Variants in SMG5 observed in about 807,000 individuals in gnomAD.
SMG5 encodes the protein SMG5 nonsense mediated mRNA decay factor.
SMG5 carries 53 observed loss-of-function variants against 122.9 expected under a neutral mutation model. The ratio of observed to expected loss-of-function variants is 0.43; its 90% confidence interval spans 0.35 to 0.54. The LOEUF (loss-of-function observed/expected upper bound fraction) is 0.54, where lower values mean the gene tolerates loss of function less well. Among genes scored for constraint, SMG5 ranks in the 20% least tolerant of loss-of-function variants. SMG5 has a pLI of 0.01. For synonymous variants in SMG5, 477 were observed against 490.2 expected, an observed-to-expected ratio of 0.97 and a Z score of 0.35; for missense variants, 1,153 against 1,285.6, an observed-to-expected ratio of 0.90 and a Z score of 1.58.
intron 17 of SMG5, 39 bp from the exon 18 acceptor site, chr1:156,253,117 C>A (rs760430050): frequency 5.2e-6 from 8 of 1,535,682 alleles, no homozygotes; most frequent in Admixed American, 4.1e-5. Flanking sequence ...CTGTGGGGGA[C>A]CCCTGCAGCC....
intron 1 of SMG5, among the ~76,000 whole-genome samples, chr1:156,281,404 A>T (rs763530197): frequency 7.2e-5 from 11 of 152,232 alleles, no homozygotes; most frequent in Non-Finnish European, 1.6e-4. Context: ...ACTCGGCAGC[A>T]TGATAAGGCA....
intron 13 of SMG5, among the ~76,000 whole-genome samples, chr1:156,262,424 C>T (rs943660087): frequency 2.1e-5 from 3 of 140,678 alleles, no homozygotes; most frequent in Admixed American, 8.0e-5. Context: ...TGCAGTGAGC[C>T]GAAATCGTGC....
chr1:156,263,921 A>G (rs1661985644), intron 12 of SMG5, among the ~76,000 whole-genome samples: 1 of 152,196 alleles, frequency 6.6e-6, no homozygotes, highest in African/African-American at 2.4e-5. Flanking sequence ...GGCAGGGCAG[A>G]CAGTTAGAGG....
chr1:156,261,483 C>A, intron 13 of SMG5, 75 bp from the exon 14 acceptor site: 1 of 1,229,062 alleles, frequency 8.1e-7, no homozygotes, highest in Admixed American at 1.8e-5. Context: ...AGGAAAGCAC[C>A]ACCCTGAGGG....
chr1:156,288,197 CAAA>C, the SMG5 span, among the ~76,000 whole-genome samples: 4 of 56,906 alleles, frequency 7.0e-5, no homozygotes, highest in Admixed American at 1.9e-4. Flanking sequence ...GACTCCGTCT[CAAA>C]AAAAAAAAAA....
chr1:156,251,048 G>A (rs1661325123), intron 20 of SMG5, 52 bp from the exon 21 acceptor site: 4 of 1,593,654 alleles, frequency 2.5e-6, no homozygotes, highest in Non-Finnish European at 3.4e-6. Context: ...CATTAGCACA[G>A]CCCAAACACC....
chr1:156,267,513 C>T lies in SMG5; in HGVS notation c.1074G>A (p.Met358Ile), dbSNP rs765886555. The T allele has an allele frequency of 1.2e-6, 2 of 1,614,124 alleles. No homozygotes were observed. The highest frequency in any genetic ancestry group is 2.2e-5 in the East Asian group (1 of 44,882). The change falls in exon 10 of 22, where the codon ATG (methionine) becomes ATA (isoleucine). Residue 358 changes from methionine (M) to isoleucine (I), a missense_variant. Transcript: ENST00000361813. ...AFLPDLLIFQMVIICLMCVHS... is the reference protein window; with the variant it reads ...AFLPDLLIFQIVIICLMCVHS... ...GCACACACATAAGGCAGATGATGACCATTTGAAAGATGAGAAGGTCCGGGA... is the reference window on the plus strand; with the variant it reads ...GCACACACATAAGGCAGATGATGACTATTTGAAAGATGAGAAGGTCCGGGA...
chr1:156,274,828 C>T (rs1275010601), intron 4 of SMG5, 142 bp from the exon 5 acceptor site: 12 of 655,436 alleles, frequency 1.8e-5, no homozygotes, highest in Non-Finnish European at 3.0e-5. Flanking sequence ...ACACACTCAT[C>T]CAGGACACAG....
rs1466301447 is a variant in SMG5, at chr1:156,251,346, T to A, written c.2828+57A>T. 3 of 1,585,188 alleles carry A rather than the reference T, an allele frequency of 1.9e-6. No individual in the cohort carries two copies. The African/African-American group carries it at 4.0e-5, about 21-fold the overall frequency. On this transcript the variant is annotated intron_variant, in intron 20 of 21. Coordinates refer to ENST00000361813, the MANE Select transcript of SMG5 (RefSeq NM_015327.3). ...CCCTACCCGTTCTCCCTAGGAATGCTCGTGGAGGAGCAAGGCAGGTGGCCT... is the reference window on the plus strand; with the variant it reads ...CCCTACCCGTTCTCCCTAGGAATGCACGTGGAGGAGCAAGGCAGGTGGCCT...
In SMG5 at chr1:156,282,771, G is replaced by GCCGCCGCCA. The variant is rs1572604620; in HGVS notation, c.-100_-92dup. On this transcript the variant is annotated 5_prime_UTR_variant, in exon 1 of 22. Transcript: ENST00000361813. ...GCCGTCTCCGGCCGTAGCCGCAGCC[G>GCCGCCGCCA]CCGCCGCCACCGGCCCTGCTCGGCC... The GCCGCCGCCA allele has an allele frequency of 2.2e-6, 3 of 1,377,310 alleles. No homozygotes were observed. In the East Asian group the frequency reaches 7.8e-5, roughly 36 times the overall value. 85.3% of individuals were successfully genotyped at this position (1,377,310 alleles called of 1,614,324 possible). A position where few individuals can be genotyped will look rare whatever the true frequency, so the allele number is the denominator to read the frequency against.
At chr1:156,290,470 G>C in the SMG5 span, 30 of 151,574 alleles carry the variant, frequency 2.0e-4, no homozygotes, top group African/African-American at 7.3e-4. Flanking sequence ...TGGGAGGACT[G>C]CCTGAGCTCA....
chr1:156,250,741 T>C, intron 21 of SMG5, 71 bp from the exon 22 acceptor site: 1 of 1,603,090 alleles, frequency 6.2e-7, no homozygotes, highest in Non-Finnish European at 8.5e-7. Context: ...GTTGAGGCGC[T>C]GGGGAAGGAG....
At position 156,259,005 on chromosome 1, in the gene SMG5, C is replaced by T; in HGVS notation, c.2442G>A (p.Met814Ile). Reference sequence around the variant, plus strand: ...ACGGGGAGGGGAAGGCCTGACTCACCATTCGGAACTGTGCCTGGGCCTGCT... The same window carrying T: ...ACGGGGAGGGGAAGGCCTGACTCACTATTCGGAACTGTGCCTGGGCCTGCT... ...LLQQAQAQFR[M>I]AQEEARRNRL... The change falls in exon 16 of 22, where the codon ATG becomes ATA. Residue 814 changes from methionine (M) to isoleucine (I), a missense_variant and splice_region_variant. By Grantham distance (10) the Met-to-Ile change is conservative. Transcript: ENST00000361813. 6.2e-7 allele frequency: 1 copy of T among 1,613,680 alleles called. No individual in the cohort carries two copies. Among genetic ancestry groups the T allele is most frequent in the Non-Finnish European group, 8.5e-7 (1 of 1,179,834 alleles).
At chr1:156,275,131 T>TAAAAAAAAAAAAAAAA (rs760480249) in intron 4 of SMG5, among the ~76,000 whole-genome samples, 1 of 86,892 alleles carries the variant, frequency 1.2e-5, no homozygotes, top group Non-Finnish European at 2.2e-5. Context: ...TGACGCCAAT[T>TAAAAAAAAAAAAAAAA]AAAAAAAAAA....
intron 17 of SMG5, 119 bp from the exon 18 acceptor site, chr1:156,253,197 C>T (rs1661430839): frequency 1.7e-6 from 2 of 1,155,406 alleles, no homozygotes; most frequent in East Asian, 5.1e-5. Context: ...GATCAGAGGA[C>T]CCTCTCTACC....
At chr1:156,251,206 G>A in intron 20 of SMG5, 197 bp downstream of exon 20, 1 of 897,882 alleles carries the variant, frequency 1.1e-6, no homozygotes. Flanking sequence ...GCCCAAAGAG[G>A]CTGACCCATC....
intron 5 of SMG5, 35 bp from the exon 6 acceptor site, chr1:156,273,485 A>G: frequency 1.2e-5 from 19 of 1,596,836 alleles, no homozygotes; most frequent in Non-Finnish European, 1.6e-5. Flanking sequence ...AAACTCGATG[A>G]TTTTAAGTTT....
chr1:156,252,263 G>T, intron 19 of SMG5, 151 bp downstream of exon 19: 1 of 649,588 alleles, frequency 1.5e-6, no homozygotes, highest in South Asian at 1.9e-5. Flanking sequence ...ATTATCTCTG[G>T]TATCACTCCC....
At chr1:156,252,541 C>T (rs1380818967) in intron 18 of SMG5, 37 bp from the exon 19 acceptor site, 2 of 1,601,580 alleles carry the variant, frequency 1.2e-6, no homozygotes, top group Admixed American at 1.7e-5. Context: ...AACAGATAAG[C>T]TCAGACTGCT....
Sources: allele counts gnomAD v4.1 joint callset (sites outside exome capture counted in the v4.1 genomes callset), GRCh38; gene constraint gnomAD v4.1.1; transcripts MANE v1.5; gene names NCBI Gene and HGNC (gene_info 2026-07-23, HGNC 2026-07-21).